Variants in MIGA2 observed in about 807,000 individuals in gnomAD.
MIGA2 encodes mitoguardin 2, also known as family with sequence similarity 73, member B.
In MIGA2, 36 loss-of-function variants were observed where a neutral mutation model predicts 69.9. The ratio of observed to expected loss-of-function variants is 0.52; its 90% CI spans 0.39 to 0.68. The LOEUF is 0.68. MIGA2 is among the 30% of genes least tolerant of loss of function. MIGA2 has a pLI of 0.00. For synonymous variants in MIGA2, 333 were observed against 349.2 expected, an observed-to-expected ratio of 0.95 and a Z score of 0.52; for missense variants, 660 against 787.7, an observed-to-expected ratio of 0.84 and a Z score of 1.94.
Position 129,069,077 on chromosome 9 carries a change from C to T in MIGA2, c.1406C>T (p.Ala469Val), listed in dbSNP as rs752697058. ...RWLSDSFKET[A>V]LATACWSVLK... Reference sequence around the variant, plus strand: ...GGGGACATCCTATTTTTGATGTAGGCCTTGGCCACTGCTTGCTGGTCGGTC... The same window carrying T: ...GGGGACATCCTATTTTTGATGTAGGTCTTGGCCACTGCTTGCTGGTCGGTC... The change falls in exon 14 of 16, where the codon GCC (alanine) becomes GTC (valine). Residue 469 changes from alanine (A) to valine (V), a missense_variant and splice_region_variant. This residue lies in a region of MIGA2 where 220 missense variants were observed against 301.7 expected (regional missense o/e 0.73). Coordinates refer to ENST00000684074, the MANE Select transcript of MIGA2 (RefSeq NM_001329990.2). The surrounding 1 kb of genome is among the most constrained non-coding windows in gnomAD (Gnocchi z 4.9). The T allele has an allele frequency of 6.2e-7, 1 of 1,613,934 alleles. No individual in the cohort carries two copies.
intron 3 of MIGA2, among the ~76,000 whole-genome samples, chr9:129,046,742 G>A (rs1271031336): frequency 6.6e-6 from 1 of 151,662 alleles, no homozygotes; most frequent in African/African-American, 2.4e-5. Context: ...CACCACACCC[G>A]GCTTTCTTTG....
intron 6 of MIGA2, among the ~76,000 whole-genome samples, chr9:129,058,608 T>C (rs1426000401): frequency 6.7e-6 from 1 of 149,768 alleles, no homozygotes; most frequent in Non-Finnish European, 1.5e-5. Flanking sequence ...CAAGCAATTC[T>C]CCTGCCTCAG....
chr9:129,049,279 G>A, intron 4 of MIGA2, 102 bp from the exon 5 acceptor site: 2 of 1,082,032 alleles, frequency 1.8e-6, no homozygotes, highest in Non-Finnish European at 2.8e-6. Flanking sequence ...CATTTGGAGG[G>A]GGCGTGTGGC....
Position 129,065,085 on chromosome 9 carries a change from A to G in MIGA2, c.1170+1454A>G, listed in dbSNP as rs568914245. Among the ~76,000 whole-genome samples, 4 of 150,150 alleles carry G rather than the reference A, an allele frequency of 2.7e-5. No individual in the cohort carries two copies. The South Asian group carries it at 8.5e-4, about 32-fold the overall frequency. On this transcript the variant is annotated intron_variant, in intron 11 of 15. Coordinates refer to ENST00000684074, the MANE Select transcript of MIGA2 (RefSeq NM_001329990.2). ...GATGTGAGCCACCACACCTGTCCTC[A>G]ATCTTTTTTTTTTTTTTAAACTTTA...
intron 6 of MIGA2, among the ~76,000 whole-genome samples, chr9:129,051,848 C>T (rs931913566): frequency 6.0e-5 from 9 of 148,900 alleles, no homozygotes; most frequent in African/African-American, 2.0e-4. Context: ...TAATTAGAGA[C>T]GGAGTCTCAC....
At position 129,068,351 on chromosome 9, in the gene MIGA2, C is replaced by G; in HGVS notation, c.1404+19C>G. 2 of 1,599,236 alleles carry G rather than the reference C, an allele frequency of 1.3e-6. No homozygotes were observed. Among genetic ancestry groups the G allele is most frequent in the Non-Finnish European group, 1.7e-6 (2 of 1,178,450 alleles). ...GGAGACGGTGGGTCACTGCCCTGCT[C>G]TCAGACCCACACTTGCTCACATCAG... is the stretch of plus-strand genomic sequence containing the variant. On this transcript the variant is annotated intron_variant, in intron 13 of 15. Coordinates refer to ENST00000684074, the MANE Select transcript of MIGA2 (RefSeq NM_001329990.2). This position sits in a 1 kb window ranked among gnomAD's most constrained non-coding sequence, Gnocchi z 4.1.
In MIGA2 at chr9:129,060,059, T is replaced by A. The variant is rs1337560389; in HGVS notation, c.794-491T>A. 6.6e-6 allele frequency among the ~76,000 whole-genome samples: 1 copy of A among 152,204 alleles called. No individual in the cohort carries two copies. The highest frequency in any genetic ancestry group is 1.5e-5 in the Non-Finnish European group (1 of 68,028). The stretch of plus-strand genomic sequence containing the variant: ...GCTTATTTGCTCGACAATCCTTTCC[T>A]GAGCACCCTTGGAGGTCCACACCCC... On this transcript the variant is annotated intron_variant, in intron 7 of 15. Transcript: ENST00000684074. The surrounding 1 kb of genome is among the most constrained non-coding windows in gnomAD (Gnocchi z 4.8).
rs770983394 is a variant in MIGA2, at chr9:129,068,398, G to A, written c.1404+66G>A. 2.5e-5 allele frequency: 40 copies of A among 1,581,716 alleles called. 1 individual carries two copies. In the East Asian group the frequency reaches 4.1e-4, roughly 16 times the overall value. The stretch of plus-strand genomic sequence containing the variant: ...TCAGCCCGTGTGGTTGCCTGGCTCC[G>A]TCCCCTCTGTCCCTAGCACTGGCAC... On this transcript the variant is annotated intron_variant, in intron 13 of 15. Transcript: ENST00000684074. This position sits in a 1 kb window ranked among gnomAD's most constrained non-coding sequence, Gnocchi z 4.1.
rs756596507 is a variant in MIGA2, at chr9:129,068,218, C to T, written c.1290C>T (p.Phe430=). 26 of 1,613,858 alleles carry T rather than the reference C, an allele frequency of 1.6e-5. No homozygotes were observed. The highest frequency in any genetic ancestry group is 3.3e-5 in the Admixed American group (2 of 60,026). ...EGRGVVCMSF[F]DIVLDFILMD... ...TGTAGGTGGTATGCATGAGCTTCTT[C>T]GACATCGTGCTGGACTTCATCCTCA... The change falls in exon 13 of 16, where the codon TTC becomes TTT. Residue 430 remains phenylalanine (F), a synonymous_variant. Transcript: ENST00000684074. This position sits in a 1 kb window ranked among gnomAD's most constrained non-coding sequence, Gnocchi z 4.1.
Position 129,063,739 on chromosome 9 carries a change from C to T in MIGA2, c.1170+108C>T, listed in dbSNP as rs1021464408. On this transcript the variant is annotated intron_variant, in intron 11 of 15. Coordinates refer to ENST00000684074, the MANE Select transcript of MIGA2 (RefSeq NM_001329990.2). ...CCCTGTGCACAGGCTGATACACGTT[C>T]CTCCTACTCCGTTCTGTAGACTCTG... 81 of 1,019,370 alleles carry T rather than the reference C, an allele frequency of 7.9e-5. No homozygotes were observed. In the African/African-American group the frequency reaches 1.1e-3, roughly 14 times the overall value. The allele number at this position is 1,019,370 out of a possible 1,614,324, so 63.1% of individuals were successfully genotyped here.
chr9:129,049,925 C>G lies in MIGA2; in HGVS notation c.637C>G (p.Leu213Val), dbSNP rs1278207207. ...CAGCACCCCCATGCCCAGGGACGGC[C>G]TCCGGAACCCAGAGACTGCATCAGA... is the stretch of plus-strand genomic sequence containing the variant. ...SGSTPMPRDG[L>V]RNPETASEPL... The change falls in exon 6 of 16, where the codon CTC (leucine) becomes GTC (valine). Residue 213 changes from leucine to valine, a missense_variant. Physicochemically the swap from Leu to Val is conservative, Grantham distance 32. Transcript: ENST00000684074. 1 of 1,613,586 alleles carries G rather than the reference C, an allele frequency of 6.2e-7. No individual in the cohort carries two copies. Among genetic ancestry groups the G allele is most frequent in the African/African-American group, 1.3e-5 (1 of 74,928 alleles).
At chr9:129,065,651 A>G (rs533702046) in intron 11 of MIGA2, among the ~76,000 whole-genome samples, 58 of 151,806 alleles carry the variant, frequency 3.8e-4, no homozygotes, top group African/African-American at 1.2e-3. Flanking sequence ...CGCCCGGCCT[A>G]TGTATAGGAT....
Position 129,060,225 on chromosome 9 carries a change from C to A in MIGA2, c.794-325C>A, listed in dbSNP as rs17485856. 1.3e-5 allele frequency among the ~76,000 whole-genome samples: 2 copies of A among 152,172 alleles called. No homozygotes were observed. Among genetic ancestry groups the A allele is most frequent in the Non-Finnish European group, 2.9e-5 (2 of 68,030 alleles). On this transcript the variant is annotated intron_variant, in intron 7 of 15. Transcript: ENST00000684074. The surrounding 1 kb of genome is among the most constrained non-coding windows in gnomAD (Gnocchi z 4.8). ...GGGCCACACAGTTCAAGGTCCTCCC[C>A]CTGCAGAGCTTGGGCCTTCAGGCCT...
At chr9:129,066,959 CAAAAAAAAAA>C (rs1215441028) in intron 11 of MIGA2, among the ~76,000 whole-genome samples, 2 of 32,122 alleles carry the variant, frequency 6.2e-5, no homozygotes, top group Non-Finnish European at 1.1e-4. Flanking sequence ...GACTCTGTCT[CAAAAAAAAAA>C]AAAAAAAAAA....
intron 2 of MIGA2, 89 bp from the exon 3 acceptor site, chr9:129,042,215 G>C: frequency 1.5e-6 from 2 of 1,313,200 alleles, no homozygotes; most frequent in South Asian, 2.6e-5. Context: ...GCCGGTGTGT[G>C]TCCCGTCCCT....
Position 129,070,382 on chromosome 9 carries a change from C to T in MIGA2, c.1711C>T (p.Pro571Ser). The change falls in exon 16 of 16, where the codon CCC (proline) becomes TCC (serine). Residue 571 changes from proline to serine, a missense_variant. Physicochemically the swap from Pro to Ser is moderately conservative, Grantham distance 74. This residue lies in a region of MIGA2 where 220 missense variants were observed against 301.7 expected (regional missense o/e 0.73). Transcript: ENST00000684074. ...SEILLGYLGV[P>S]AASSAGVNGA... is the part of the protein sequence containing the mutation. Reference sequence around the variant, plus strand: ...GATATTGCTGGGGTACCTGGGGGTGCCCGCGGCCAGCAGCGCAGGCGTGAA... The same window carrying T: ...GATATTGCTGGGGTACCTGGGGGTGTCCGCGGCCAGCAGCGCAGGCGTGAA... 6.2e-7 allele frequency: 1 copy of T among 1,612,202 alleles called. No homozygotes were observed. The highest frequency in any genetic ancestry group is 8.5e-7 in the Non-Finnish European group (1 of 1,179,624).
rs747288462 is a variant in MIGA2, at chr9:129,060,668, C to T, written c.894+18C>T. ...CCACCGAGGTGACTCGGGGTGGGGACCAAGCCTGGGGTGGGGTGAAGGCTG... is the reference window on the plus strand; with the variant it reads ...CCACCGAGGTGACTCGGGGTGGGGATCAAGCCTGGGGTGGGGTGAAGGCTG... On this transcript the variant is annotated intron_variant, in intron 8 of 15. Coordinates refer to ENST00000684074, the MANE Select transcript of MIGA2 (RefSeq NM_001329990.2). This position sits in a 1 kb window ranked among gnomAD's most constrained non-coding sequence, Gnocchi z 4.8. The T allele has an allele frequency of 6.4e-6, 10 of 1,561,468 alleles. No individual in the cohort carries two copies. The highest frequency in any genetic ancestry group is 8.7e-6 in the Non-Finnish European group (10 of 1,151,528).
rs141738163 is a variant in MIGA2, at chr9:129,042,285, C to A, written c.97-19C>A. On this transcript the variant is annotated intron_variant, in intron 2 of 15. Coordinates refer to ENST00000684074, the MANE Select transcript of MIGA2 (RefSeq NM_001329990.2). ...TTCCCCAGGGAGGTGTAACCGGCAGCGTCTCCTCTTCCCTGCAGTCTGCAT... is the reference window on the plus strand; with the variant it reads ...TTCCCCAGGGAGGTGTAACCGGCAGAGTCTCCTCTTCCCTGCAGTCTGCAT... 6.2e-7 allele frequency: 1 copy of A among 1,609,442 alleles called. No individual in the cohort carries two copies. Among genetic ancestry groups the A allele is most frequent in the South Asian group, 1.1e-5 (1 of 90,890 alleles).
chr9:129,062,413 T>C (rs1476818269), intron 9 of MIGA2, among the ~76,000 whole-genome samples: 2 of 150,456 alleles, frequency 1.3e-5, no homozygotes, highest in East Asian at 3.9e-4. Context: ...ATACCTGTAG[T>C]CCCAGCTACT....
Sources: allele counts gnomAD v4.1 joint callset (sites outside exome capture counted in the v4.1 genomes callset), GRCh38; gene constraint gnomAD v4.1.1; regional missense constraint gnomAD v4.1.1; non-coding constraint Gnocchi (gnomAD v3.1); transcripts MANE v1.5; gene names NCBI Gene and HGNC (gene_info 2026-07-23, HGNC 2026-07-21).